Variants in ASCC3 observed in about 807,000 individuals in gnomAD.
The protein encoded by ASCC3 is ASC-1 complex subunit P200.
ASCC3 carries 158 observed loss-of-function variants against 256.3 expected under a neutral mutation model. The ratio of observed to expected loss-of-function variants is 0.62; its 90% CI spans 0.54 to 0.70. The LOEUF is 0.70. Among genes scored for constraint, ASCC3 ranks in the 30% least tolerant of loss-of-function variants. The pLI is 0.00. For synonymous variants in ASCC3, 948 were observed against 883.4 expected, an observed-to-expected ratio of 1.07 and a Z score of -1.30; for missense variants, 2,259 against 2,626.0, an observed-to-expected ratio of 0.86 and a Z score of 3.05.
At chr6:100,641,729 G>A (rs1424529267) in intron 24 of ASCC3, among the ~76,000 whole-genome samples, 1 of 152,168 alleles carries the variant, frequency 6.6e-6, no homozygotes, top group African/African-American at 2.4e-5. Context: ...GTTTACTGCA[G>A]CACTATTCAC....
At chr6:100,557,048 T>C (rs1172455177) in intron 36 of ASCC3, among the ~76,000 whole-genome samples, 1 of 152,160 alleles carries the variant, frequency 6.6e-6, no homozygotes, top group East Asian at 1.9e-4. Context: ...CACAAGATTT[T>C]AGACATGTTG....
At chr6:100,709,542 G>C (rs1432287410) in intron 13 of ASCC3, among the ~76,000 whole-genome samples, 1 of 152,108 alleles carries the variant, frequency 6.6e-6, no homozygotes, top group Non-Finnish European at 1.5e-5. Flanking sequence ...TTATGTCAGA[G>C]GACTGGGAAG....
chr6:100,511,346 A>G (rs1164873407), intron 40 of ASCC3, among the ~76,000 whole-genome samples: 2 of 152,144 alleles, frequency 1.3e-5, no homozygotes, highest in Non-Finnish European at 2.9e-5. Context: ...TAAACCCGGG[A>G]GGCGGAGGTT....
chr6:100,848,586 G>C lies in ASCC3; in HGVS notation c.363C>G (p.Pro121=). 1 of 1,614,116 alleles carries C rather than the reference G, an allele frequency of 6.2e-7. No homozygotes were observed. ...CTGCAGTGGCAGATGATGAAGGAAA[G>C]GGGCCAAACATCTGTTTGATAGCCT... is the stretch of plus-strand genomic sequence containing the variant. ...ETKAIKQMFG[P]FPSSSATAAC... Residue 121 remains proline (P), a synonymous_variant, in exon 4 of 42, where the codon CCC becomes CCG. Coordinates refer to ENST00000369162, the MANE Select transcript of ASCC3 (RefSeq NM_006828.4).
chr6:100,627,945 G>T lies in ASCC3; in HGVS notation c.4418C>A (p.Thr1473Lys). The change falls in exon 28 of 42, where the codon ACA becomes AAA. Residue 1473 changes from threonine to lysine, a missense_variant. This residue lies in a region of ASCC3 where 1,839 missense variants were observed against 2,206.7 expected (regional missense o/e 0.83). Coordinates refer to ENST00000369162, the MANE Select transcript of ASCC3 (RefSeq NM_006828.4). ...GPVLEVIVSR[T>K]NFISSHTEKP... ...TTCTGTGTGTGATGAGATAAAATTT[G>T]TTCGAGATACAATGACCTCTAGAAC... 1.2e-6 allele frequency: 2 copies of T among 1,613,520 alleles called. No individual in the cohort carries two copies. The highest frequency in any genetic ancestry group is 1.7e-6 in the Non-Finnish European group (2 of 1,179,764).
In ASCC3 at chr6:100,540,402, A is replaced by G. The variant is rs775840954; in HGVS notation, c.5551-15T>C. 5 of 1,584,702 alleles carry G rather than the reference A, an allele frequency of 3.2e-6. No individual in the cohort carries two copies. The African/African-American group carries it at 6.8e-5, about 21-fold the overall frequency. ...TCTTCTGCATCCTGAAAAAAAAAAA[A>G]AGCCCCACATTGTTGGATCAAAGTA... On this transcript the variant is annotated splice_polypyrimidine_tract_variant and intron_variant, in intron 36 of 41. Coordinates refer to ENST00000369162, the MANE Select transcript of ASCC3 (RefSeq NM_006828.4).
At position 100,577,765 on chromosome 6, in the gene ASCC3, C is replaced by T. The variant is rs1770952449; in HGVS notation, c.5550+11869G>A. The stretch of plus-strand genomic sequence containing the variant: ...ACCCACACACACACACACACTCTCT[C>T]ACACATACACATAGGAAGTTTGTCA... On this transcript the variant is annotated intron_variant, in intron 36 of 41. Transcript: ENST00000369162. 3.3e-5 allele frequency among the ~76,000 whole-genome samples: 5 copies of T among 152,004 alleles called. No individual in the cohort carries two copies. In the South Asian group the frequency reaches 1.0e-3, roughly 32 times the overall value.
intron 11 of ASCC3, among the ~76,000 whole-genome samples, chr6:100,724,645 G>A (rs951886216): frequency 6.6e-6 from 1 of 151,806 alleles, no homozygotes; most frequent in Admixed American, 6.6e-5. Context: ...TGCTTGTGGT[G>A]GGAAGGGCTG....
chr6:100,523,167 C>T (rs1774391974), intron 37 of ASCC3, among the ~76,000 whole-genome samples: 1 of 151,680 alleles, frequency 6.6e-6, no homozygotes, highest in Non-Finnish European at 1.5e-5. Context: ...GTTTAGAGTA[C>T]TGTGCCTTTA....
chr6:100,790,597 C>G (rs1168595716), intron 8 of ASCC3, among the ~76,000 whole-genome samples: 2 of 151,922 alleles, frequency 1.3e-5, no homozygotes, highest in Non-Finnish European at 2.9e-5. Context: ...AAATCCAGTT[C>G]TAAAGCAATT....
intron 2 of ASCC3, among the ~76,000 whole-genome samples, chr6:100,867,121 A>G (rs1301512611): frequency 1.2e-4 from 18 of 152,218 alleles, no homozygotes; most frequent in Non-Finnish European, 2.6e-4. Context: ...CCTATACAGG[A>G]AAGACACTGA....
chr6:100,642,672 T>G lies in ASCC3; in HGVS notation c.3810A>C (p.Arg1270=). ...FEPLPSQYYI[R]AVSDRWLGAE... ...CACCCAACCATCTATCAGACACTGC[T>G]CGGATGTAGTATTGGGAAGGCAAAG... Residue 1270 remains arginine, a synonymous_variant, in exon 24 of 42, where the codon CGA becomes CGC. Transcript: ENST00000369162. 6.2e-7 allele frequency: 1 copy of G among 1,613,932 alleles called. No homozygotes were observed. The highest frequency in any genetic ancestry group is 1.7e-5 in the Admixed American group (1 of 60,014).
chr6:100,785,668 T>G lies in ASCC3; in HGVS notation c.1395+13045A>C, dbSNP rs60263701. Among the ~76,000 whole-genome samples the G allele has an allele frequency of 8.1e-4, 124 of 152,286 alleles. 1 individual carries two copies. The East Asian group carries it at 0.019, about 23-fold the overall frequency. ...CCCAAGTGATCCTCCTGCCTTGGCCTCCCAAAGTGCTAGGATTACAGGTGT... is the reference window on the plus strand; with the variant it reads ...CCCAAGTGATCCTCCTGCCTTGGCCGCCCAAAGTGCTAGGATTACAGGTGT... On this transcript the variant is annotated intron_variant, in intron 8 of 41. Coordinates refer to ENST00000369162, the MANE Select transcript of ASCC3 (RefSeq NM_006828.4).
chr6:100,716,580 T>A (rs1181272657), intron 12 of ASCC3, among the ~76,000 whole-genome samples: 3 of 151,874 alleles, frequency 2.0e-5, no homozygotes, highest in Non-Finnish European at 2.9e-5. Flanking sequence ...GATAATTTAC[T>A]CCTCATGAAT....
intron 13 of ASCC3, among the ~76,000 whole-genome samples, chr6:100,691,654 T>C (rs1467186072): frequency 6.6e-6 from 1 of 152,024 alleles, no homozygotes; most frequent in Non-Finnish European, 1.5e-5. Context: ...AAGATAATCA[T>C]ACACGTTAAT....
intron 37 of ASCC3, among the ~76,000 whole-genome samples, chr6:100,525,768 T>G (rs906238723): frequency 1.4e-4 from 21 of 152,220 alleles, no homozygotes; most frequent in African/African-American, 4.6e-4. Context: ...ATGGGAACTT[T>G]GTACTATCTT....
chr6:100,870,398 T>C (rs1773686630), intron 1 of ASCC3, among the ~76,000 whole-genome samples: 1 of 151,650 alleles, frequency 6.6e-6, no homozygotes, highest in Non-Finnish European at 1.5e-5. Context: ...GCAAGCGCAG[T>C]CTCTGCCATA....
chr6:100,845,824 G>A (rs930495163), intron 4 of ASCC3, among the ~76,000 whole-genome samples: 1 of 152,030 alleles, frequency 6.6e-6, no homozygotes, highest in African/African-American at 2.4e-5. Flanking sequence ...CCTTAAAAAT[G>A]GATTTATCAT....
chr6:100,571,011 T>C (rs1404226622), intron 36 of ASCC3, among the ~76,000 whole-genome samples: 2 of 152,142 alleles, frequency 1.3e-5, no homozygotes, highest in African/African-American at 4.8e-5. Flanking sequence ...AGAATGGTCT[T>C]TTTCACTATC....
Sources: allele counts gnomAD v4.1 joint callset (sites outside exome capture counted in the v4.1 genomes callset), GRCh38; gene constraint gnomAD v4.1.1; regional missense constraint gnomAD v4.1.1; transcripts MANE v1.5; gene names NCBI Gene and HGNC (gene_info 2026-07-23, HGNC 2026-07-21).